The following SMIM45 variants were observed in gnomAD, a reference collection of about 807,000 sequenced individuals.
SMIM45 encodes the protein small integral membrane protein 45.
chr22:41,952,735 A>G, the SMIM45 span, among the ~76,000 whole-genome samples: 21 of 152,146 alleles, frequency 1.4e-4, 1 homozygote, highest in Admixed American at 1.4e-3. Context: ...AATGCCTGGG[A>G]TTTTGTGCAC....
chr22:41,950,952 A>T, the SMIM45 span, among the ~76,000 whole-genome samples: 1 of 152,234 alleles, frequency 6.6e-6, no homozygotes, highest in African/African-American at 2.4e-5. Context: ...AGATTGCGCC[A>T]CTGCACTCCA....
chr22:41,952,365 G>C, the SMIM45 span: 1 of 152,344 alleles, frequency 6.6e-6, no homozygotes, highest in East Asian at 1.9e-4. Context: ...GAGCTGCTCA[G>C]GCTGAGGCGG....
At chr22:41,958,828 CTG>C in the SMIM45 span, 3 of 163,864 alleles carry the variant, frequency 1.8e-5, no homozygotes, top group African/African-American at 7.2e-5. Context: ...TGTGGAGACT[CTG>C]TTGCCCCACT....
At chr22:41,947,101 T>C in the SMIM45 span, 1 of 1,611,304 alleles carries the variant, frequency 6.2e-7, no homozygotes, top group East Asian at 2.2e-5. Context: ...CAACCGTTGC[T>C]CCTGCGGTGC....
At chr22:41,954,202 ATTTTTTT>A in the SMIM45 span, among the ~76,000 whole-genome samples, 1 of 104,552 alleles carries the variant, frequency 9.6e-6, no homozygotes, top group South Asian at 3.0e-4. Context: ...GGTACTTTGA[ATTTTTTT>A]TTTTTTTTTT....
chr22:41,949,140 G>T, the SMIM45 span, among the ~76,000 whole-genome samples: 1 of 152,118 alleles, frequency 6.6e-6, no homozygotes, highest in Non-Finnish European at 1.5e-5. Flanking sequence ...ACCTACTCGG[G>T]AGGCTGAGGC....
chr22:41,951,084 G>A, the SMIM45 span, among the ~76,000 whole-genome samples: 10 of 152,372 alleles, frequency 6.6e-5, no homozygotes, highest in African/African-American at 2.2e-4. Context: ...CCTAGATGGC[G>A]CAGAGGTGTC....
chr22:41,955,933 G>T, the SMIM45 span, among the ~76,000 whole-genome samples: 2 of 151,962 alleles, frequency 1.3e-5, no homozygotes, highest in African/African-American at 4.8e-5. Context: ...CTTGTTATGT[G>T]CCAGGCACTG....
the SMIM45 span, among the ~76,000 whole-genome samples, chr22:41,956,305 C>T: frequency 3.9e-5 from 6 of 152,184 alleles, no homozygotes; most frequent in African/African-American, 1.4e-4. Flanking sequence ...GCCACCACGT[C>T]CAGCCCCATT....
the SMIM45 span, chr22:41,947,176 T>A: frequency 2.6e-6 from 3 of 1,163,470 alleles, no homozygotes; most frequent in Non-Finnish European, 3.8e-6. Context: ...ACGTGCCTCC[T>A]TATAGGCGGG....
At chr22:41,948,389 G>C in the SMIM45 span, among the ~76,000 whole-genome samples, 1 of 152,148 alleles carries the variant, frequency 6.6e-6, no homozygotes, top group African/African-American at 2.4e-5. Flanking sequence ...TGATGGGGGT[G>C]GGATAGACAA....
At chr22:41,948,178 G>A in the SMIM45 span, among the ~76,000 whole-genome samples, 2 of 152,176 alleles carry the variant, frequency 1.3e-5, no homozygotes, top group Admixed American at 6.5e-5. Context: ...GAAACAAGAG[G>A]TTAGAGACTT....
At chr22:41,953,097 T>A in the SMIM45 span, among the ~76,000 whole-genome samples, 1 of 152,204 alleles carries the variant, frequency 6.6e-6, no homozygotes, top group Admixed American at 6.5e-5. Flanking sequence ...AGTGCACTCT[T>A]CATTTTATTC....
chr22:41,949,950 G>A, the SMIM45 span, among the ~76,000 whole-genome samples: 1 of 152,112 alleles, frequency 6.6e-6, no homozygotes, highest in Non-Finnish European at 1.5e-5. Flanking sequence ...CACCCAAGCT[G>A]GCAGGGTCAT....
the SMIM45 span, among the ~76,000 whole-genome samples, chr22:41,956,866 G>A: frequency 6.6e-6 from 1 of 152,222 alleles, no homozygotes; most frequent in Non-Finnish European, 1.5e-5. Context: ...TTGGCTCACT[G>A]CAACCTCCAC....
the SMIM45 span, chr22:41,957,768 A>G: frequency 2.0e-5 from 3 of 153,802 alleles, no homozygotes; most frequent in Non-Finnish European, 4.4e-5. Context: ...GCCTGCATCT[A>G]CTACTTCGAG....
the SMIM45 span, among the ~76,000 whole-genome samples, chr22:41,947,809 G>T: frequency 1.3e-5 from 2 of 151,450 alleles, no homozygotes; most frequent in Non-Finnish European, 2.9e-5. Context: ...GGAACTACAG[G>T]CAAGTGCCAC....
chr22:41,958,391 C>T, the SMIM45 span: 1 of 456,412 alleles, frequency 2.2e-6, no homozygotes, highest in Non-Finnish European at 4.4e-6. Flanking sequence ...CCAGACCAGC[C>T]GCACCCCGCG....
chr22:41,948,942 G>A, the SMIM45 span, among the ~76,000 whole-genome samples: 1 of 152,172 alleles, frequency 6.6e-6, no homozygotes. Flanking sequence ...GTGCATGCCT[G>A]TAATCCCAGC....
Sources: gnomAD v4.1 joint callset for allele counts (sites outside exome capture counted in the v4.1 genomes callset) on GRCh38, gnomAD v4.1.1 for gene constraint, MANE v1.5 for transcripts, NCBI Gene and HGNC (gene_info 2026-07-23, HGNC 2026-07-21) for gene names.